SNX25: variants seen among roughly 807,000 people sequenced by gnomAD.
The protein encoded by SNX25 is sorting nexin 25.
In SNX25, 62 loss-of-function variants were observed where a neutral mutation model predicts 113.7. The ratio of observed to expected loss-of-function variants is 0.55; its 90% CI spans 0.44 to 0.67. The LOEUF (loss-of-function observed/expected upper bound fraction) is 0.67. SNX25 is among the 30% of genes least tolerant of loss of function. The pLI, the probability that SNX25 is intolerant of heterozygous loss-of-function variation, is 0.00. For missense variants in SNX25, 1,014 were observed against 1,161.0 expected (o/e 0.87, Z 1.84); for synonymous variants, 421 against 436.2 (o/e 0.97, Z 0.43).
intron 6 of SNX25, among the ~76,000 whole-genome samples, chr4:185,293,647 T>C (rs562027295): frequency 1.1e-4 from 17 of 152,326 alleles, no homozygotes; most frequent in African/African-American, 4.1e-4. Context: ...TAAAAAGGTA[T>C]TCAGTATTTT....
At chr4:185,234,681 C>CAAAAAAAAAAAAAAAAA (rs369613640) in intron 1 of SNX25, among the ~76,000 whole-genome samples, 2 of 16,174 alleles carry the variant, frequency 1.2e-4, no homozygotes, top group African/African-American at 4.1e-4. Context: ...GACTCTGTCT[C>CAAAAAAAAAAAAAAAAA]AAAAAAAAAA....
chr4:185,319,355 G>A (rs1266433565), intron 7 of SNX25, among the ~76,000 whole-genome samples: 1 of 148,932 alleles, frequency 6.7e-6, no homozygotes, highest in Non-Finnish European at 1.5e-5. Flanking sequence ...GCACCACCAC[G>A]CCCAGCTAAT....
intron 1 of SNX25, among the ~76,000 whole-genome samples, chr4:185,227,591 C>T (rs1741211696): frequency 6.6e-6 from 1 of 152,186 alleles, no homozygotes; most frequent in Non-Finnish European, 1.5e-5. Context: ...GCTCAGTAAG[C>T]ATGCATTTAT....
chr4:185,365,705 T>C (rs191134286), downstream of SNX25: 2 of 144,314 alleles, frequency 1.4e-5, no homozygotes, highest in Non-Finnish European at 1.5e-5. Flanking sequence ...ATAATAATAA[T>C]AATAATAATA....
At position 185,338,535 on chromosome 4, in the gene SNX25, G is replaced by C. The variant is rs184232705; in HGVS notation, c.1915-844G>C. 1.5e-3 allele frequency among the ~76,000 whole-genome samples: 230 copies of C among 152,172 alleles called. 1 individual carries two copies. Among genetic ancestry groups the C allele is most frequent in the African/African-American group, 5.4e-3 (223 of 41,526 alleles). On this transcript the variant is annotated intron_variant, in intron 10 of 18. Coordinates refer to ENST00000652585, the MANE Select transcript of SNX25 (RefSeq NM_001378034.2). The stretch of plus-strand genomic sequence containing the variant: ...ACTCCTGACCTCAGGTGATCCACCT[G>C]CCTTAGCCTCCCAAAGTGCTAGGAT...
the SNX25 span, chr4:185,377,062 A>G: frequency 7.5e-7 from 1 of 1,338,280 alleles, no homozygotes; most frequent in Non-Finnish European, 1.1e-6. Flanking sequence ...ACACAATATG[A>G]ATTTTCTCTC....
intron 2 of SNX25, among the ~76,000 whole-genome samples, chr4:185,253,910 GAT>G (rs1163904312): frequency 1.1e-4 from 16 of 152,368 alleles, no homozygotes; most frequent in Admixed American, 3.3e-4. Flanking sequence ...GACAGCGGAA[GAT>G]ACTGCAAGGT....
chr4:185,311,612 C>T (rs1368536033), intron 7 of SNX25, among the ~76,000 whole-genome samples: 7 of 152,186 alleles, frequency 4.6e-5, no homozygotes, highest in Admixed American at 4.6e-4. Flanking sequence ...TGTAATGTGT[C>T]CTTTAGCTAC....
rs1249619858 is a variant in SNX25, at chr4:185,210,970, G to A, written c.429+715G>A. Among the ~76,000 whole-genome samples the A allele has an allele frequency of 6.6e-6, 1 of 152,160 alleles. No individual in the cohort carries two copies. Among genetic ancestry groups the A allele is most frequent in the East Asian group, 1.9e-4 (1 of 5,190 alleles). ...TCTCTTCTTCAGTGCCAAACCCACTGCCCCATCTTTCTTCCACATTCCTTC... is the reference window on the plus strand; with the variant it reads ...TCTCTTCTTCAGTGCCAAACCCACTACCCCATCTTTCTTCCACATTCCTTC... On this transcript the variant is annotated intron_variant, in intron 1 of 18. Coordinates refer to ENST00000652585, the MANE Select transcript of SNX25 (RefSeq NM_001378034.2). The surrounding 1 kb of genome is among the most constrained non-coding windows in gnomAD (Gnocchi z 4.4).
chr4:185,264,075 A>G (rs1228909015), intron 3 of SNX25, among the ~76,000 whole-genome samples: 1 of 152,188 alleles, frequency 6.6e-6, no homozygotes, highest in Non-Finnish European at 1.5e-5. Flanking sequence ...ATGCTTTGTT[A>G]GGTTTTTTTG....
chr4:185,281,573 A>T (rs960800649), intron 5 of SNX25, among the ~76,000 whole-genome samples: 11 of 152,196 alleles, frequency 7.2e-5, no homozygotes, highest in Non-Finnish European at 1.6e-4. Context: ...TCATTTATCC[A>T]GCAGTCCCTT....
Position 185,361,959 on chromosome 4 carries a change from A to T in SNX25, c.2687A>T (p.Glu896Val), listed in dbSNP as rs1309215635. 6.2e-7 allele frequency: 1 copy of T among 1,614,030 alleles called. No individual in the cohort carries two copies. Among genetic ancestry groups the T allele is most frequent in the East Asian group, 2.2e-5 (1 of 44,898 alleles). Residue 896 changes from glutamate to valine, a missense_variant, in exon 17 of 19, where the codon GAG becomes GTG. Coordinates refer to ENST00000652585, the MANE Select transcript of SNX25 (RefSeq NM_001378034.2). Reference sequence around the variant, plus strand: ...GACACAGTCAGCTGGATTTTCAGTGAGCAAATGTTGGTTTACTACATCAAT... The same window carrying T: ...GACACAGTCAGCTGGATTTTCAGTGTGCAAATGTTGGTTTACTACATCAAT... ...IRDTVSWIFS[E>V]QMLVYYINIF... is the part of the protein sequence containing the mutation.
At chr4:185,224,895 A>G (rs1740740325) in intron 1 of SNX25, among the ~76,000 whole-genome samples, 3 of 151,430 alleles carry the variant, frequency 2.0e-5, no homozygotes. Context: ...TCTTCTGCTT[A>G]TATCTGGAAT....
intron 6 of SNX25, among the ~76,000 whole-genome samples, chr4:185,292,868 TC>T (rs1752374158): frequency 6.6e-6 from 1 of 152,158 alleles, no homozygotes; most frequent in African/African-American, 2.4e-5. Flanking sequence ...TGAGCTGTGA[TC>T]ATACCACTGT....
At chr4:185,374,389 C>G (rs781773205), downstream of SNX25, 1 of 1,614,148 alleles carries the variant, frequency 6.2e-7, no homozygotes, top group Non-Finnish European at 8.5e-7. Flanking sequence ...TTGTAAGCAG[C>G]TGCAAATTTT....
chr4:185,305,398 A>C (rs1419742803), intron 6 of SNX25, among the ~76,000 whole-genome samples: 1 of 152,104 alleles, frequency 6.6e-6, no homozygotes, highest in East Asian at 1.9e-4. Flanking sequence ...AAAATATTCT[A>C]CTGTTGGTGT....
chr4:185,235,521 G>C lies in SNX25; in HGVS notation c.430-11773G>C, dbSNP rs541066552. 1.6e-4 allele frequency among the ~76,000 whole-genome samples: 24 copies of C among 152,286 alleles called. No homozygotes were observed. The South Asian group carries it at 4.8e-3, about 30-fold the overall frequency. ...ACCTATGCATAATTCGTGCTTCAAG[G>C]CCAGAAAAGCTGAGAGTACCTCACC... is the stretch of plus-strand genomic sequence containing the variant. On this transcript the variant is annotated intron_variant, in intron 1 of 18. Transcript: ENST00000652585.
At chr4:185,325,836 A>C (rs2095153452) in intron 9 of SNX25, among the ~76,000 whole-genome samples, 1 of 152,320 alleles carries the variant, frequency 6.6e-6, no homozygotes, top group East Asian at 1.9e-4. Flanking sequence ...CACAGATCAG[A>C]AACCCTGTAC....
At chr4:185,335,988 A>T (rs944031835) in intron 10 of SNX25, among the ~76,000 whole-genome samples, 2 of 152,216 alleles carry the variant, frequency 1.3e-5, no homozygotes, top group African/African-American at 4.8e-5. Flanking sequence ...TGCACACTGC[A>T]TATTCAGGAG....
Sources: allele counts gnomAD v4.1 joint callset (sites outside exome capture counted in the v4.1 genomes callset), GRCh38; gene constraint gnomAD v4.1.1; non-coding constraint Gnocchi (gnomAD v3.1); transcripts MANE v1.5; gene names NCBI Gene and HGNC (gene_info 2026-07-23, HGNC 2026-07-21).